TRPM8: variants seen among roughly 807,000 people sequenced by gnomAD.
TRPM8 encodes the protein TRPM8 cationic channel.
In TRPM8, 110 loss-of-function variants were observed where a neutral mutation model predicts 133.7. That is an observed-to-expected ratio of 0.82 (90% CI 0.70 to 0.96). The LOEUF (loss-of-function observed/expected upper bound fraction) is 0.96. Ranked by LOEUF, TRPM8 falls within the 40% of genes least tolerant of loss-of-function variation. TRPM8 has a pLI of 0.00. For missense variants in TRPM8, 1,291 were observed against 1,379.5 expected, an observed-to-expected ratio of 0.94 and a Z score of 1.02; for synonymous variants, 535 against 532.3, an observed-to-expected ratio of 1.01 and a Z score of -0.07.
In TRPM8 at chr2:233,970,274, T is replaced by G; in HGVS notation, c.2203T>G (p.Phe735Val). 6.2e-7 allele frequency: 1 copy of G among 1,614,190 alleles called. No homozygotes were observed. Among genetic ancestry groups the G allele is most frequent in the South Asian group, 1.1e-5 (1 of 91,078 alleles). ...CTATGTGGCGTTCTTCACCTCCCCCTTCGTGGTCTTCTCCTGGAATGTGGT... is the reference window on the plus strand; with the variant it reads ...CTATGTGGCGTTCTTCACCTCCCCCGTCGTGGTCTTCTCCTGGAATGTGGT... ...WYYVAFFTSP[F>V]VVFSWNVVFY... The change falls in exon 17 of 26, where the codon TTC (phenylalanine) becomes GTC (valine). Residue 735 changes from phenylalanine (F) to valine (V), a missense_variant. Around this residue, in one of 2 missense-constraint regions of TRPM8, gnomAD observed 963 missense variants for 968.9 expected, o/e 0.99. Transcript: ENST00000324695.
intron 21 of TRPM8, among the ~76,000 whole-genome samples, chr2:233,990,461 G>C (rs1692247189): frequency 6.6e-6 from 1 of 152,214 alleles, no homozygotes; most frequent in African/African-American, 2.4e-5. Flanking sequence ...GGGGTGGTAA[G>C]GGGTGTTGCT....
intron 25 of TRPM8, among the ~76,000 whole-genome samples, chr2:234,016,591 G>C (rs1692961412): frequency 6.6e-6 from 1 of 152,132 alleles, no homozygotes; most frequent in South Asian, 2.1e-4. Context: ...CTGGGGGCAA[G>C]CCTGTACCAA....
intron 19 of TRPM8, among the ~76,000 whole-genome samples, chr2:233,982,576 G>T (rs899738881): frequency 5.3e-5 from 8 of 152,158 alleles, no homozygotes; most frequent in Non-Finnish European, 8.8e-5. Flanking sequence ...CAGTCATCAT[G>T]AAGTCATGCT....
rs1202521295 is a variant in TRPM8 at position 233,989,329 on chromosome 2, A to C, written c.2939+3464A>C. Among the ~76,000 whole-genome samples, 1 of 152,164 alleles carries C rather than the reference A, an allele frequency of 6.6e-6. No individual in the cohort carries two copies. Among genetic ancestry groups the C allele is most frequent in the African/African-American group, 2.4e-5 (1 of 41,442 alleles). On this transcript the variant is annotated intron_variant, in intron 21 of 25. Transcript: ENST00000324695. The surrounding 1 kb of genome is among the most constrained non-coding windows in gnomAD (Gnocchi z 4.2). ...GGCCGCGCGTTATCTGGCTTAACTCAGGTCTCTTCCCCACGAGGCCAGAGC... is the reference window on the plus strand; with the variant it reads ...GGCCGCGCGTTATCTGGCTTAACTCCGGTCTCTTCCCCACGAGGCCAGAGC...
In TRPM8 at chr2:233,943,539, T is replaced by A. The variant is rs190850891; in HGVS notation, c.699+791T>A. On this transcript the variant is annotated intron_variant, in intron 6 of 25. Transcript: ENST00000324695. ...ACAATGAGAACTGCAATATCTTGAT[T>A]GCTTGGCTACACTCACAGAAATTCA... Among the ~76,000 whole-genome samples the A allele has an allele frequency of 5.9e-5, 9 of 152,314 alleles. No homozygotes were observed. The East Asian group carries it at 1.7e-3, about 29-fold the overall frequency.
intron 22 of TRPM8, among the ~76,000 whole-genome samples, chr2:234,003,314 C>T (rs906006140): frequency 3.9e-5 from 6 of 152,194 alleles, no homozygotes; most frequent in African/African-American, 1.4e-4. Flanking sequence ...ATGTCATTAA[C>T]GATCACACAT....
intron 3 of TRPM8, among the ~76,000 whole-genome samples, chr2:233,935,911 A>G (rs1690723812): frequency 6.6e-6 from 1 of 152,162 alleles, no homozygotes; most frequent in African/African-American, 2.4e-5. Context: ...CCCTGGATAG[A>G]GAGGTCAAAT....
At chr2:233,963,993 A>T (rs534038385) in intron 13 of TRPM8, among the ~76,000 whole-genome samples, 11 of 152,244 alleles carry the variant, frequency 7.2e-5, no homozygotes, top group South Asian at 4.1e-4. Flanking sequence ...TAGTCTTAAT[A>T]TTTTTTATAT....
chr2:233,966,909 A>C (rs992873307), intron 15 of TRPM8, among the ~76,000 whole-genome samples, 154 bp downstream of exon 15: 1 of 152,242 alleles, frequency 6.6e-6, no homozygotes, highest in African/African-American at 2.4e-5. Context: ...GAGATGGCCA[A>C]GTATAGGCAT....
chr2:233,935,372 C>A (rs780975823), intron 3 of TRPM8, among the ~76,000 whole-genome samples: 5 of 152,182 alleles, frequency 3.3e-5, no homozygotes, highest in Admixed American at 6.5e-5. Context: ...ATCTTGTTAT[C>A]TGACCCTGCA....
At chr2:233,985,653 G>T in intron 20 of TRPM8, 35 bp from the exon 21 acceptor site, 1 of 1,603,826 alleles carries the variant, frequency 6.2e-7, no homozygotes, top group Non-Finnish European at 8.5e-7. Flanking sequence ...CCTCCAGAGG[G>T]TCCTCACTTT....
intron 1 of TRPM8, among the ~76,000 whole-genome samples, chr2:233,924,940 C>T (rs369783630): frequency 8.5e-5 from 13 of 152,252 alleles, no homozygotes; most frequent in East Asian, 5.8e-4. Flanking sequence ...GTAAAAGAAG[C>T]GCTTGTTGTT....
At chr2:233,979,358 G>A (rs6431649) in intron 17 of TRPM8, among the ~76,000 whole-genome samples, 118,772 of 152,130 alleles carry the variant, frequency 0.78, 46,762 homozygotes, top group Middle Eastern at 0.84. Flanking sequence ...ACCTAATCCA[G>A]TGTTTCTGTG....
chr2:234,007,476 C>T lies in TRPM8; in HGVS notation c.3230+524C>T, dbSNP rs369936308. ...ATAAAATCCATGTGATTAAGAAATACGTTGATTAAACATCTTATAGAAATA... is the reference window on the plus strand; with the variant it reads ...ATAAAATCCATGTGATTAAGAAATATGTTGATTAAACATCTTATAGAAATA... On this transcript the variant is annotated intron_variant, in intron 23 of 25. Transcript: ENST00000324695. Among the ~76,000 whole-genome samples, 51 of 152,284 alleles carry T rather than the reference C, an allele frequency of 3.3e-4. 1 individual carries two copies. The South Asian group carries it at 7.5e-3, about 22-fold the overall frequency.
chr2:233,934,183 G>T (rs1378413819), intron 3 of TRPM8, among the ~76,000 whole-genome samples: 2 of 152,144 alleles, frequency 1.3e-5, no homozygotes, highest in Non-Finnish European at 2.9e-5. Flanking sequence ...CCAGGCCTCT[G>T]GAGTGGTTAG....
At chr2:233,991,770 A>G (rs1472747386) in intron 21 of TRPM8, among the ~76,000 whole-genome samples, 1 of 152,194 alleles carries the variant, frequency 6.6e-6, no homozygotes, top group Non-Finnish European at 1.5e-5. Flanking sequence ...AGGCGTTCTA[A>G]CATCTGTTGT....
In TRPM8 at chr2:233,964,660, C is replaced by T. The variant is rs1691520397; in HGVS notation, c.1782C>T (p.Ala594=). 6.2e-7 allele frequency: 1 copy of T among 1,610,456 alleles called. No homozygotes were observed. The highest frequency in any genetic ancestry group is 1.3e-5 in the African/African-American group (1 of 74,844). ...TRGCTLAALG[A]SKLLKTLAKV... ...GCTGCACTCTGGCAGCCCTGGGAGC[C>T]AGCAAGCTTCTGAAGACTCTGGCCA... Residue 594 remains alanine (A), a synonymous_variant, in exon 14 of 26, where the codon GCC becomes GCT. Coordinates refer to ENST00000324695, the MANE Select transcript of TRPM8 (RefSeq NM_024080.5).
chr2:234,010,935 T>G (rs1484733394), intron 24 of TRPM8, among the ~76,000 whole-genome samples: 2 of 152,214 alleles, frequency 1.3e-5, no homozygotes, highest in African/African-American at 4.8e-5. Context: ...GCCCTTTTAT[T>G]TAATTTATTG....
At chr2:234,017,170 C>T in intron 25 of TRPM8, 129 bp from the exon 26 acceptor site, 1 of 347,564 alleles carries the variant, frequency 2.9e-6, no homozygotes, top group South Asian at 2.3e-5. Flanking sequence ...AAAAATCTCT[C>T]AACTTTGGTG....
Sources: gnomAD v4.1 joint callset for allele counts (sites outside exome capture counted in the v4.1 genomes callset) on GRCh38, gnomAD v4.1.1 for gene constraint, gnomAD v4.1.1 regional missense constraint, Gnocchi (gnomAD v3.1) non-coding constraint, MANE v1.5 for transcripts, NCBI Gene and HGNC (gene_info 2026-07-23, HGNC 2026-07-21) for gene names.